The following KCNN1 variants were observed in gnomAD, a reference collection of about 807,000 sequenced individuals.
KCNN1 encodes the protein potassium calcium-activated channel subfamily N member 1.
A neutral mutation model predicts 44.7 loss-of-function variants in KCNN1; 20 were observed. That is an observed-to-expected ratio of 0.45 (90% CI 0.32 to 0.65). KCNN1 has a LOEUF of 0.65. Ranked by LOEUF, KCNN1 falls within the 30% of genes least tolerant of loss-of-function variation. The pLI, the probability that KCNN1 is intolerant of heterozygous loss-of-function variation, is 0.05. For missense variants in KCNN1, 632 were observed against 785.3 expected (o/e 0.80, Z 2.33); for synonymous variants, 324 against 341.7 (o/e 0.95, Z 0.57).
intron 1 of KCNN1, chr19:17,952,315 G>A (rs2031433672): frequency 6.6e-6 from 1 of 152,310 alleles, no homozygotes; most frequent in Non-Finnish European, 1.5e-5. Flanking sequence ...CAGGGACTCC[G>A]GCTGCGGCGG....
chr19:17,997,449 C>G (rs147671011), intron 9 of KCNN1, among the ~76,000 whole-genome samples: 46 of 152,314 alleles, frequency 3.0e-4, no homozygotes, highest in African/African-American at 9.6e-4. Flanking sequence ...CATGTCCCCC[C>G]ACCCCAGAAC....
intron 4 of KCNN1, among the ~76,000 whole-genome samples, chr19:17,984,205 G>A (rs1208578206): frequency 6.6e-6 from 1 of 151,780 alleles, no homozygotes; most frequent in Non-Finnish European, 1.5e-5. Context: ...CCTTTACCCA[G>A]CAAGTGTCCT....
chr19:17,981,552 CAAAAAAA>C (rs71164338), intron 3 of KCNN1, among the ~76,000 whole-genome samples, 150 bp from the exon 4 acceptor site: 1 of 90,034 alleles, frequency 1.1e-5, no homozygotes, highest in Non-Finnish European at 2.4e-5. Context: ...AACTCCATCT[CAAAAAAA>C]AAAAAAAAAG....
At chr19:17,958,169 G>A (rs780814540) in intron 2 of KCNN1, among the ~76,000 whole-genome samples, 1 of 152,024 alleles carries the variant, frequency 6.6e-6, no homozygotes, top group Non-Finnish European at 1.5e-5. Context: ...GGGGATCACT[G>A]AGCACCCAGA....
intron 1 of KCNN1, among the ~76,000 whole-genome samples, 191 bp downstream of exon 1, chr19:17,967,508 A>C (rs1345930130): frequency 1.3e-5 from 2 of 151,874 alleles, no homozygotes; most frequent in African/African-American, 2.4e-5. Context: ...TGCCCGAGTG[A>C]GTGAGGATCC....
chr19:17,979,652 C>CT (rs2032331380), intron 3 of KCNN1, among the ~76,000 whole-genome samples: 1 of 151,948 alleles, frequency 6.6e-6, no homozygotes, highest in Non-Finnish European at 1.5e-5. Context: ...CTCATCTCCC[C>CT]TAGGACTGGC....
chr19:17,975,834 G>A (rs999765182), intron 3 of KCNN1, among the ~76,000 whole-genome samples: 7 of 152,026 alleles, frequency 4.6e-5, no homozygotes, highest in African/African-American at 4.8e-5. Context: ...ACAGCCTCCC[G>A]AGTAGCTGGG....
In KCNN1 at chr19:17,969,262, G is replaced by A. The variant is rs1000899055; in HGVS notation, c.-82+1945G>A. The stretch of plus-strand genomic sequence containing the variant: ...GTTCCCCTCCCAGAAAGCAGACCCT[G>A]CCACCTGCCACGCCTGGATGGCACT... On this transcript the variant is annotated intron_variant, in intron 1 of 9. Transcript: ENST00000684775. Among the ~76,000 whole-genome samples, 5 of 152,282 alleles carry A rather than the reference G, an allele frequency of 3.3e-5. No individual in the cohort carries two copies. In the East Asian group the frequency reaches 9.7e-4, roughly 29 times the overall value.
rs756332274 is a variant in KCNN1, at chr19:17,974,062, C to T, written c.174C>T (p.Ser58=). The T allele has an allele frequency of 3.7e-6, 6 of 1,610,804 alleles. No individual in the cohort carries two copies. The highest frequency in any genetic ancestry group is 1.7e-5 in the Admixed American group (1 of 59,938). ...KSEPARPSPG[S]PRGQPQDQDD... is the part of the protein sequence containing the mutation. ...AGCCAGCCCGGCCCTCACCCGGCAGCCCCCGGGGGCAGCCCCAGGACCAGG... is the reference window on the plus strand; with the variant it reads ...AGCCAGCCCGGCCCTCACCCGGCAGTCCCCGGGGGCAGCCCCAGGACCAGG... Residue 58 remains serine, a synonymous_variant, in exon 2 of 10, where the codon AGC becomes AGT. Transcript: ENST00000684775. The surrounding 1 kb of genome is among the most constrained non-coding windows in gnomAD (Gnocchi z 7.3).
chr19:17,985,385 A>G lies in KCNN1; in HGVS notation c.991A>G (p.Ile331Val), dbSNP rs2032561979. 6.2e-6 allele frequency: 10 copies of G among 1,611,830 alleles called. No homozygotes were observed. Among genetic ancestry groups the G allele is most frequent in the Non-Finnish European group, 8.5e-6 (10 of 1,178,526 alleles). ...GCTGATTTCCATCACCTTCCTCTCC[A>G]TTGGCTACGGCGACATGGTGCCCCA... ...MWLISITFLS[I>V]GYGDMVPHTY... Residue 331 changes from isoleucine (I) to valine (V), a missense_variant, in exon 5 of 10, where the codon ATT (isoleucine) becomes GTT (valine). Ile to Val is a conservative substitution (Grantham distance 29, BLOSUM62 3). Around this residue, in one of 3 missense-constraint regions of KCNN1, gnomAD observed 160 missense variants for 308.3 expected, o/e 0.52. Coordinates refer to ENST00000684775, the MANE Select transcript of KCNN1 (RefSeq NM_001386974.1).
Position 17,981,975 on chromosome 19 carries a change from C to T in KCNN1, c.765C>T (p.Ala255=), listed in dbSNP as rs74940055. 5,783 of 1,607,894 alleles carry T rather than the reference C, an allele frequency of 3.6e-3. 22 individuals are homozygous for T. Among genetic ancestry groups the T allele is most frequent in the Non-Finnish European group, 4.6e-3 (5,403 of 1,177,670 alleles). The change falls in exon 4 of 10, where the codon GCC becomes GCT. Residue 255 remains alanine (A), a synonymous_variant. Coordinates refer to ENST00000684775, the MANE Select transcript of KCNN1 (RefSeq NM_001386974.1). Reference sequence around the variant, plus strand: ...TGCACAGCAAAATCTTCACGGACGCCTCGAGCCGCAGCATCGGGGCCCTCA... The same window carrying T: ...TGCACAGCAAAATCTTCACGGACGCTTCGAGCCGCAGCATCGGGGCCCTCA... ...MLLHSKIFTD[A]SSRSIGALNK...
chr19:17,971,139 C>T (rs2032007696), intron 1 of KCNN1, among the ~76,000 whole-genome samples: 2 of 152,272 alleles, frequency 1.3e-5, no homozygotes, highest in Middle Eastern at 3.4e-3. Flanking sequence ...CCACCTCAGC[C>T]TCCCAAAGTG....
rs981010034 is a variant in KCNN1, at chr19:17,983,896, G to A, written c.918-1416G>A. 2.0e-5 allele frequency among the ~76,000 whole-genome samples: 3 copies of A among 152,046 alleles called. No individual in the cohort carries two copies. The highest frequency in any genetic ancestry group is 4.8e-5 in the African/African-American group (2 of 41,392). On this transcript the variant is annotated intron_variant, in intron 4 of 9. Coordinates refer to ENST00000684775, the MANE Select transcript of KCNN1 (RefSeq NM_001386974.1). The surrounding 1 kb of genome is among the most constrained non-coding windows in gnomAD (Gnocchi z 4.5). ...CAGTCAGCTGGGCACCGTGGCTCAT[G>A]CCTGTAATCCCAGCACTTTGGGAGG... is the stretch of plus-strand genomic sequence containing the variant.
At chr19:17,976,003 G>A (rs539327284) in intron 3 of KCNN1, among the ~76,000 whole-genome samples, 12 of 152,184 alleles carry the variant, frequency 7.9e-5, no homozygotes, top group South Asian at 4.1e-4. Context: ...CACCATGCCC[G>A]GCTGCACACG....
At position 17,957,141 on chromosome 19, in the gene KCNN1, T is replaced by A. The variant is rs577603932; in HGVS notation, c.-82+2460T>A. Among the ~76,000 whole-genome samples the A allele has an allele frequency of 9.1e-5, 6 of 66,166 alleles. No homozygotes were observed. In the South Asian group the frequency reaches 2.9e-3, roughly 32 times the overall value. The allele number at this position is 66,166 out of a possible 152,430, so 43.4% of individuals were successfully genotyped here. The stretch of plus-strand genomic sequence containing the variant: ...AGGGAGGAAGGAAGGAAGGAAAGGA[T>A]GGAGGGAGAGAGAGAAAAAAAGGAG... On this transcript the variant is annotated intron_variant, in intron 2 of 10. Coordinates refer to the KCNN1 transcript ENST00000222249.
At chr19:17,952,181 C>T (rs2031427547) in intron 1 of KCNN1, 1 of 152,042 alleles carries the variant, frequency 6.6e-6, no homozygotes, top group African/African-American at 2.4e-5. Context: ...CGCCCCCTCC[C>T]CGGGCGGCGG....
chr19:17,970,103 A>G (rs1331736899), intron 1 of KCNN1, among the ~76,000 whole-genome samples: 1 of 152,000 alleles, frequency 6.6e-6, no homozygotes, highest in East Asian at 1.9e-4. Flanking sequence ...TAAACTGGGA[A>G]GTACTAGGCC....
chr19:17,977,808 C>T (rs776064500), intron 3 of KCNN1, among the ~76,000 whole-genome samples: 1 of 152,074 alleles, frequency 6.6e-6, no homozygotes, highest in Non-Finnish European at 1.5e-5. Flanking sequence ...CACAAATCAA[C>T]CTATAACAAT....
At chr19:17,982,336 A>C (rs928959606) in intron 4 of KCNN1, among the ~76,000 whole-genome samples, 6 of 151,934 alleles carry the variant, frequency 3.9e-5, no homozygotes, top group African/African-American at 7.3e-5. Flanking sequence ...CTGTGTCCCC[A>C]GCTGCCCTCA....
Sources: allele counts gnomAD v4.1 joint callset (sites outside exome capture counted in the v4.1 genomes callset), GRCh38; gene constraint gnomAD v4.1.1; regional missense constraint gnomAD v4.1.1; non-coding constraint Gnocchi (gnomAD v3.1); transcripts MANE v1.5; gene names NCBI Gene and HGNC (gene_info 2026-07-23, HGNC 2026-07-21).